The following DLGAP2 variants were observed in gnomAD, a reference collection of about 807,000 sequenced individuals.
The protein encoded by DLGAP2 is disks large-associated protein 2.
DLGAP2 carries 26 observed loss-of-function variants against 100.3 expected under a neutral mutation model. The ratio of observed to expected loss-of-function variants is 0.26; its 90% CI spans 0.19 to 0.36. DLGAP2 has a LOEUF of 0.36. DLGAP2 is among the 10% of genes least tolerant of loss of function. The pLI is 1.00. For missense variants in DLGAP2, 1,858 were observed against 1,453.2 expected (o/e 1.28, Z -4.53); for synonymous variants, 886 against 630.1 (o/e 1.41, Z -6.08).
chr8:1,074,009 A>G (rs545021360), intron 2 of DLGAP2, among the ~76,000 whole-genome samples: 1 of 149,240 alleles, frequency 6.7e-6, no homozygotes, highest in African/African-American at 2.6e-5. Flanking sequence ...GGTTTGCAGC[A>G]GACTGAAGCT....
At chr8:1,051,202 A>G (rs548301461) in intron 2 of DLGAP2, among the ~76,000 whole-genome samples, 4 of 152,062 alleles carry the variant, frequency 2.6e-5, no homozygotes, top group African/African-American at 9.7e-5. Flanking sequence ...TCGAAGCACA[A>G]CTGCATGAGT....
At chr8:1,499,724 A>G (rs1484935098) in intron 3 of DLGAP2, among the ~76,000 whole-genome samples, 2 of 152,214 alleles carry the variant, frequency 1.3e-5, no homozygotes, top group Non-Finnish European at 2.9e-5. Context: ...GTGTTTTTTT[A>G]AAAGCTGTAA....
rs201415421 is a variant in DLGAP2, at chr8:1,248,366, T to C, written c.74-10485T>C. 5.0e-3 allele frequency: 61 copies of C among 12,322 alleles called. 1 individual carries two copies. The highest frequency in any genetic ancestry group is 0.1 in the Middle Eastern group (1 of 10). 0.8% of individuals were successfully genotyped at this position (12,322 alleles called of 1,614,324 possible). On this transcript the variant is annotated intron_variant, in intron 2 of 14. Transcript: ENST00000637795. The stretch of plus-strand genomic sequence containing the variant: ...AGATCAGTGTGGGAGTGATGGTCCA[T>C]GTTGGTGGCCGGGAAGACCTTTGAG...
chr8:978,193 T>A (rs368560096), intron 2 of DLGAP2, among the ~76,000 whole-genome samples: 907 of 63,682 alleles, frequency 0.014, no homozygotes, highest in Middle Eastern at 0.029. Flanking sequence ...GTCTTTGGTG[T>A]TGTGGGGAGG....
In DLGAP2 at chr8:1,707,061, G is replaced by A. The variant is rs913619239; in HGVS notation, c.*5655G>A. ...TGACTTCTTTGCAGAAGAAATGTTC[G>A]TTACCTACTATCAAACTACTTTTTA... On this transcript the variant is annotated 3_prime_UTR_variant, in exon 15 of 15. Coordinates refer to ENST00000637795, the MANE Select transcript of DLGAP2 (RefSeq NM_001346810.2). 5.9e-5 allele frequency: 9 copies of A among 152,602 alleles called. No individual in the cohort carries two copies. Among genetic ancestry groups the A allele is most frequent in the East Asian group, 3.9e-4 (2 of 5,192 alleles). The allele number at this position is 152,602 out of a possible 1,614,324, so 9.5% of individuals were successfully genotyped here.
intron 3 of DLGAP2, among the ~76,000 whole-genome samples, chr8:1,392,149 G>A (rs184414157): frequency 6.6e-6 from 1 of 152,208 alleles, no homozygotes; most frequent in African/African-American, 2.4e-5. Flanking sequence ...AGAGGCTGGG[G>A]TGGGCCTAGA....
intron 3 of DLGAP2, among the ~76,000 whole-genome samples, chr8:1,353,355 A>G (rs996753842): frequency 6.6e-6 from 1 of 152,248 alleles, no homozygotes; most frequent in African/African-American, 2.4e-5. Flanking sequence ...CACATTCATT[A>G]GAAACTGTAC....
At chr8:843,392 G>C (rs1282034112) in intron 1 of DLGAP2, among the ~76,000 whole-genome samples, 1 of 152,178 alleles carries the variant, frequency 6.6e-6, no homozygotes, top group Admixed American at 6.5e-5. Flanking sequence ...AGGAGTTCAC[G>C]GGGGCTGTCT....
intron 1 of DLGAP2, among the ~76,000 whole-genome samples, chr8:879,324 G>A (rs1797741299): frequency 6.6e-6 from 1 of 152,200 alleles, no homozygotes; most frequent in Non-Finnish European, 1.5e-5. Flanking sequence ...TTTGCTGTTA[G>A]GACATTCACC....
chr8:1,636,949 G>A (rs574572141), intron 8 of DLGAP2, among the ~76,000 whole-genome samples: 1 of 152,378 alleles, frequency 6.6e-6, no homozygotes, highest in South Asian at 2.1e-4. Flanking sequence ...ATTCAGGTGT[G>A]TTGGGACACA....
intron 2 of DLGAP2, among the ~76,000 whole-genome samples, chr8:972,767 C>A (rs1563121699): frequency 6.6e-6 from 1 of 152,138 alleles, no homozygotes; most frequent in Admixed American, 6.5e-5. Flanking sequence ...GACCCTGCGG[C>A]CTTCCGCGGT....
intron 1 of DLGAP2, among the ~76,000 whole-genome samples, chr8:814,277 A>G (rs74497196): frequency 0.014 from 2,103 of 152,332 alleles, 61 homozygotes; most frequent in African/African-American, 0.048. Flanking sequence ...CATAAGATCA[A>G]ATGGACACAC....
At chr8:1,589,787 C>T (rs1449276363) in intron 6 of DLGAP2, among the ~76,000 whole-genome samples, 2 of 152,096 alleles carry the variant, frequency 1.3e-5, no homozygotes, top group African/African-American at 2.4e-5. Context: ...CTGTTAGCAC[C>T]GGGGAATCCC....
chr8:772,537 T>G lies in DLGAP2; in HGVS notation c.18+34712T>G, dbSNP rs540751840. Among the ~76,000 whole-genome samples the G allele has an allele frequency of 4.8e-4, 73 of 151,976 alleles. 1 individual carries two copies. In the South Asian group the frequency reaches 7.3e-3, roughly 15 times the overall value. ...GGGGTTTCACCATGTTGGCCAGGCT[T>G]GTCTCAAACTCCTCGCCTCAGGTGG... On this transcript the variant is annotated intron_variant, in intron 1 of 14. Transcript: ENST00000637795.
At chr8:1,318,404 T>C (rs1408728782) in intron 3 of DLGAP2, among the ~76,000 whole-genome samples, 1 of 151,464 alleles carries the variant, frequency 6.6e-6, no homozygotes, top group African/African-American at 2.4e-5. Flanking sequence ...CCACTGTCCA[T>C]ATCTAGTTCA....
intron 2 of DLGAP2, among the ~76,000 whole-genome samples, chr8:925,644 G>A (rs1332182533): frequency 1.3e-5 from 2 of 152,102 alleles, no homozygotes; most frequent in African/African-American, 2.4e-5. Context: ...ATATGTGGGT[G>A]TATTTGTTTA....
Position 1,701,516 on chromosome 8 carries a change from C to T in DLGAP2, c.*110C>T. The T allele has an allele frequency of 1.7e-6, 2 of 1,172,774 alleles. No homozygotes were observed. The highest frequency in any genetic ancestry group is 2.6e-5 in the East Asian group (1 of 38,196). The allele number at this position is 1,172,774 out of a possible 1,614,324, so 72.6% of individuals were successfully genotyped here. A position where few individuals can be genotyped will look rare whatever the true frequency, so the allele number is the denominator to read the frequency against. On this transcript the variant is annotated 3_prime_UTR_variant, in exon 15 of 15. Transcript: ENST00000637795. ...CCTCCTCCCGCTGAACACGTCCTCGCTCCCGCGCTCCCCGCGCCCCGGACA... is the reference window on the plus strand; with the variant it reads ...CCTCCTCCCGCTGAACACGTCCTCGTTCCCGCGCTCCCCGCGCCCCGGACA...
intron 4 of DLGAP2, among the ~76,000 whole-genome samples, chr8:1,506,879 C>G (rs1391971825): frequency 6.6e-6 from 1 of 152,198 alleles, no homozygotes; most frequent in Non-Finnish European, 1.5e-5. Context: ...GGTGCATTTA[C>G]AAACCTTGAG....
intron 3 of DLGAP2, among the ~76,000 whole-genome samples, chr8:1,438,092 C>T (rs978882882): frequency 6.6e-6 from 1 of 152,180 alleles, no homozygotes; most frequent in South Asian, 2.1e-4. Context: ...ACTTCAGAAA[C>T]ACCTGCTGGT....
Sources: allele counts gnomAD v4.1 joint callset (sites outside exome capture counted in the v4.1 genomes callset), GRCh38; gene constraint gnomAD v4.1.1; transcripts MANE v1.5; gene names NCBI Gene and HGNC (gene_info 2026-07-23, HGNC 2026-07-21).